Variants in RIF1 observed in about 807,000 individuals in gnomAD.
RIF1 encodes the protein replication timing regulatory factor 1.
In RIF1, 45 loss-of-function variants were observed where a neutral mutation model predicts 247.1. The ratio of observed to expected loss-of-function variants is 0.18; its 90% confidence interval spans 0.14 to 0.23. RIF1 has a LOEUF of 0.23. Among genes scored for constraint, RIF1 ranks in the 10% least tolerant of loss-of-function variants. The pLI is 1.00. For synonymous variants in RIF1, 1,087 were observed against 978.8 expected, an observed-to-expected ratio of 1.11 and a Z score of -2.06; for missense variants, 2,967 against 2,862.5, an observed-to-expected ratio of 1.04 and a Z score of -0.83.
the RIF1 span, among the ~76,000 whole-genome samples, chr2:151,532,647 G>T: frequency 6.6e-6 from 1 of 151,616 alleles, no homozygotes; most frequent in African/African-American, 2.4e-5. Context: ...AAATGAGGAG[G>T]TTAAGCTCTT....
intron 16 of RIF1, among the ~76,000 whole-genome samples, chr2:151,442,388 TAAA>T (rs34173773): frequency 6.7e-5 from 9 of 134,820 alleles, no homozygotes; most frequent in East Asian, 2.1e-4. Flanking sequence ...CCCTTTTTTT[TAAA>T]AAAAAAAAAA....
rs759502869 is a variant in RIF1 at position 151,466,042 on chromosome 2, G to A, written c.6522G>A (p.Leu2174=). The A allele has an allele frequency of 1.1e-5, 18 of 1,612,994 alleles. No individual in the cohort carries two copies. The highest frequency in any genetic ancestry group is 1.4e-5 in the Non-Finnish European group (16 of 1,179,648). Residue 2174 remains leucine (L), a synonymous_variant, in exon 30 of 36, where the codon TTG becomes TTA. Coordinates refer to ENST00000444746, the MANE Select transcript of RIF1 (RefSeq NM_018151.5). ...GMQTRCVWSP[L]ASPSTSILKR... ...AGACACGCTGTGTCTGGTCTCCTTT[G>A]GCTTCTCCGTCTACGAGCATTTTAA...
At chr2:151,420,101 T>C (rs1687920546) in intron 6 of RIF1, 89 bp from the exon 7 acceptor site, 3 of 1,053,332 alleles carry the variant, frequency 2.8e-6, no homozygotes, top group African/African-American at 3.2e-5. Context: ...TGGGCCGTAC[T>C]GTGTATATTT....
At chr2:151,524,422 C>G in the RIF1 span, 1 of 1,613,924 alleles carries the variant, frequency 6.2e-7, no homozygotes, top group East Asian at 2.2e-5. Context: ...CCACCTGAAT[C>G]AGAGAAAACC....
chr2:151,476,018 TGA>T lies in RIF1; in HGVS notation c.*949_*950del. 1 of 152,550 alleles carries T rather than the reference TGA, an allele frequency of 6.6e-6. No homozygotes were observed. The highest frequency in any genetic ancestry group is 1.9e-4 in the East Asian group (1 of 5,190). 9.4% of individuals were successfully genotyped at this position (152,550 alleles called of 1,614,324 possible). A position where few individuals can be genotyped will look rare whatever the true frequency, so the allele number is the denominator to read the frequency against. On this transcript the variant is annotated 3_prime_UTR_variant, in exon 36 of 36. Coordinates refer to ENST00000444746, the MANE Select transcript of RIF1 (RefSeq NM_018151.5). ...TTGGTTAACAGTCTTAGTTAAAACA[TGA>T]GTTTATTTTCTAAAAGTATCCAGAA...
the RIF1 span, chr2:151,525,880 G>A: frequency 8.9e-7 from 1 of 1,122,760 alleles, no homozygotes. Context: ...GGAAGCAAAA[G>A]GCAACTGACA....
chr2:151,460,115 C>A lies in RIF1; in HGVS notation c.3071C>A (p.Ala1024Asp). 1 of 1,535,118 alleles carries A rather than the reference C, an allele frequency of 6.5e-7. No homozygotes were observed. The highest frequency in any genetic ancestry group is 1.2e-5 in the South Asian group (1 of 80,724). Residue 1024 changes from alanine to aspartate, a missense_variant, in exon 26 of 36, where the codon GCC becomes GAC. Coordinates refer to ENST00000444746, the MANE Select transcript of RIF1 (RefSeq NM_018151.5). ...KNKKENMKPA[A>D]KLKLESSSLK... is the part of the protein sequence containing the mutation. Reference sequence around the variant, plus strand: ...AAAAAAGAAAATATGAAACCAGCAGCCAAAGTATGTTTTCAAAAGTTTAAT... The same window carrying A: ...AAAAAAGAAAATATGAAACCAGCAGACAAAGTATGTTTTCAAAAGTTTAAT...
At chr2:151,524,252 C>T in the RIF1 span, 3 of 1,401,604 alleles carry the variant, frequency 2.1e-6, no homozygotes, top group Non-Finnish European at 3.0e-6. Flanking sequence ...TCACTTCTTC[C>T]TGCAAGGTCT....
rs1235486479 is a variant in RIF1 at position 151,481,507 on chromosome 2, T to A, written c.*6436T>A. On this transcript the variant is annotated 3_prime_UTR_variant, in exon 36 of 36. Coordinates refer to ENST00000444746, the MANE Select transcript of RIF1 (RefSeq NM_018151.5). ...TGACTGATAGCACTTACAAAAAGAC[T>A]GATAGATGCCAAATCAGTCATTTAT... 2 of 152,236 alleles carry A rather than the reference T, an allele frequency of 1.3e-5. No homozygotes were observed. Among genetic ancestry groups the A allele is most frequent in the Non-Finnish European group, 2.9e-5 (2 of 68,032 alleles). 9.4% of individuals were successfully genotyped at this position (152,236 alleles called of 1,614,324 possible). A position where few individuals can be genotyped will look rare whatever the true frequency, so the allele number is the denominator to read the frequency against.
At chr2:151,492,977 G>A (rs1232052273) in intron 9 of RIF1, 1 of 216,476 alleles carries the variant, frequency 4.6e-6, no homozygotes, top group East Asian at 1.3e-4. Flanking sequence ...CCATTTCAGA[G>A]TATTACCCAT....
At chr2:151,438,824 TTG>T in intron 14 of RIF1, 78 bp downstream of exon 14, 1 of 833,262 alleles carries the variant, frequency 1.2e-6, no homozygotes, top group Non-Finnish European at 2.1e-6. Context: ...ATCCGGTGAA[TTG>T]TTTGACTATA....
intron 34 of RIF1, among the ~76,000 whole-genome samples, chr2:151,471,097 T>C (rs1399192892): frequency 1.2e-4 from 19 of 152,154 alleles, no homozygotes; most frequent in Admixed American, 1.2e-3. Flanking sequence ...GTCCAGCCAA[T>C]GCCTACTTTT....
intron 19 of RIF1, 142 bp downstream of exon 19, chr2:151,445,587 T>A (rs908930145): frequency 9.5e-6 from 6 of 631,970 alleles, no homozygotes; most frequent in Non-Finnish European, 1.7e-5. Flanking sequence ...CACATTGTCG[T>A]CCAGGCTTGG....
chr2:151,524,416 C>G, the RIF1 span: 7 of 1,613,988 alleles, frequency 4.3e-6, no homozygotes, highest in Non-Finnish European at 5.9e-6. Flanking sequence ...TGTACTCCAC[C>G]TGAATCAGAG....
downstream of RIF1, chr2:151,508,143 A>C (rs2153218888): frequency 6.8e-7 from 1 of 1,472,206 alleles, no homozygotes; most frequent in South Asian, 1.2e-5. Context: ...AGGAGGGTAA[A>C]CACCACAGGG....
the RIF1 span, among the ~76,000 whole-genome samples, chr2:151,532,385 T>C: frequency 3.3e-5 from 5 of 152,114 alleles, no homozygotes; most frequent in Admixed American, 2.6e-4. Context: ...ACATGTACAA[T>C]CTCCAAAGGC....
intron 21 of RIF1, among the ~76,000 whole-genome samples, chr2:151,453,181 A>G (rs747540008): frequency 5.0e-4 from 75 of 151,502 alleles, no homozygotes; most frequent in Non-Finnish European, 9.6e-4. Flanking sequence ...CCCCCAGAAT[A>G]TACATTTTAT....
chr2:151,509,253 G>T (rs563984509), downstream of RIF1, among the ~76,000 whole-genome samples: 67 of 152,312 alleles, frequency 4.4e-4, no homozygotes, highest in Admixed American at 9.8e-4. Flanking sequence ...GGAAGAAACG[G>T]TAGTTCATCA....
At position 151,466,128 on chromosome 2, in the gene RIF1, G is replaced by T; in HGVS notation, c.6600+8G>T. Reference sequence around the variant, plus strand: ...TCATCACCTGTTAATAAGGTAAGGGGAATGAGGCTAAATATTAAGGAACCC... The same window carrying T: ...TCATCACCTGTTAATAAGGTAAGGGTAATGAGGCTAAATATTAAGGAACCC... On this transcript the variant is annotated splice_region_variant and intron_variant, in intron 30 of 35. Transcript: ENST00000444746. 1 of 1,510,824 alleles carries T rather than the reference G, an allele frequency of 6.6e-7. No individual in the cohort carries two copies. Among genetic ancestry groups the T allele is most frequent in the East Asian group, 2.3e-5 (1 of 43,986 alleles). 93.6% of individuals were successfully genotyped at this position (1,510,824 alleles called of 1,614,324 possible).
Sources: allele counts gnomAD v4.1 joint callset (sites outside exome capture counted in the v4.1 genomes callset), GRCh38; gene constraint gnomAD v4.1.1; transcripts MANE v1.5; gene names NCBI Gene and HGNC (gene_info 2026-07-23, HGNC 2026-07-21).